Variants in CACNA2D3 observed in about 807,000 individuals in gnomAD.
CACNA2D3 encodes calcium voltage-gated channel auxiliary subunit alpha2delta 3, also known as voltage-dependent calcium channel subunit alpha-2/delta-3.
A neutral mutation model predicts 160.6 loss-of-function variants in CACNA2D3; 60 were observed. That is an observed-to-expected ratio of 0.37 (90% CI 0.30 to 0.46). The LOEUF (loss-of-function observed/expected upper bound fraction) is 0.46, where lower values mean the gene tolerates loss of function less well. CACNA2D3 is among the 20% of genes least tolerant of loss of function. The pLI is 1.00. For synonymous variants in CACNA2D3, 558 were observed against 492.9 expected, an observed-to-expected ratio of 1.13 and a Z score of -1.75; for missense variants, 1,205 against 1,365.0, an observed-to-expected ratio of 0.88 and a Z score of 1.85.
At chr3:55,029,589 T>A (rs1340138351) in intron 35 of CACNA2D3, among the ~76,000 whole-genome samples, 1 of 152,102 alleles carries the variant, frequency 6.6e-6, no homozygotes, top group African/African-American at 2.4e-5. Flanking sequence ...TTTGCTCTGA[T>A]GAGACTGTCC....
chr3:54,329,105 T>G (rs1335605318), intron 3 of CACNA2D3, among the ~76,000 whole-genome samples: 1 of 152,220 alleles, frequency 6.6e-6, no homozygotes, highest in East Asian at 1.9e-4. Flanking sequence ...TGATTGACTT[T>G]TCTGAAAGGT....
intron 2 of CACNA2D3, among the ~76,000 whole-genome samples, chr3:54,214,190 C>A (rs184297129): frequency 1.3e-5 from 2 of 152,266 alleles, no homozygotes; most frequent in East Asian, 3.9e-4. Flanking sequence ...CTGAATTAAT[C>A]AGTTTGAAGT....
At chr3:55,070,439 T>C (rs565419578) in intron 35 of CACNA2D3, among the ~76,000 whole-genome samples, 2 of 152,280 alleles carry the variant, frequency 1.3e-5, no homozygotes, top group Admixed American at 1.3e-4. Flanking sequence ...GTTTTGTTTT[T>C]CCTGAGCTGG....
At chr3:54,839,073 C>T (rs1009339939) in intron 16 of CACNA2D3, among the ~76,000 whole-genome samples, 3 of 152,028 alleles carry the variant, frequency 2.0e-5, no homozygotes, top group East Asian at 1.9e-4. Flanking sequence ...CTGGCTAACA[C>T]GGTGAAACCC....
intron 11 of CACNA2D3, among the ~76,000 whole-genome samples, chr3:54,733,057 G>C (rs1382638597): frequency 6.6e-6 from 1 of 152,200 alleles, no homozygotes; most frequent in Non-Finnish European, 1.5e-5. Context: ...ATCTGTCCTA[G>C]CGAGAAGTCA....
At chr3:54,529,070 A>G (rs1402644293) in intron 5 of CACNA2D3, among the ~76,000 whole-genome samples, 1 of 152,196 alleles carries the variant, frequency 6.6e-6, no homozygotes, top group East Asian at 1.9e-4. Context: ...CCAGAAGGAA[A>G]GTTCAGTGAG....
At chr3:54,753,420 C>T (rs1701905623) in intron 12 of CACNA2D3, among the ~76,000 whole-genome samples, 1 of 152,180 alleles carries the variant, frequency 6.6e-6, no homozygotes, top group Non-Finnish European at 1.5e-5. Context: ...TGTTGGTACT[C>T]TCTTCTGCTC....
intron 5 of CACNA2D3, among the ~76,000 whole-genome samples, chr3:54,536,440 G>A (rs1302161318): frequency 6.6e-6 from 1 of 152,230 alleles, no homozygotes; most frequent in African/African-American, 2.4e-5. Context: ...GAGGGAGCAG[G>A]ACAATCTCAA....
intron 2 of CACNA2D3, among the ~76,000 whole-genome samples, chr3:54,304,680 A>T (rs997344147): frequency 6.6e-6 from 1 of 152,104 alleles, no homozygotes; most frequent in Non-Finnish European, 1.5e-5. Flanking sequence ...TTACCTTCCA[A>T]TGTCTTAGGA....
At chr3:54,703,196 T>C (rs142691158) in intron 11 of CACNA2D3, among the ~76,000 whole-genome samples, 313 of 152,234 alleles carry the variant, frequency 2.1e-3, no homozygotes, top group African/African-American at 7.1e-3. Flanking sequence ...TTTACTCATG[T>C]AACAAACTTG....
chr3:54,738,816 G>T (rs932149422), intron 11 of CACNA2D3, among the ~76,000 whole-genome samples: 1 of 152,110 alleles, frequency 6.6e-6, no homozygotes, highest in Non-Finnish European at 1.5e-5. Flanking sequence ...CCCACTTATT[G>T]TATGACCAGT....
chr3:54,444,756 C>G lies in CACNA2D3; in HGVS notation c.381+57982C>G, dbSNP rs1301639823. On this transcript the variant is annotated intron_variant, in intron 4 of 37. Coordinates refer to ENST00000474759, the MANE Select transcript of CACNA2D3 (RefSeq NM_018398.3). ...TTGAGGCCCTCAGAGCTGTCTACTT[C>G]TGAATAACATGACTATAGGAGCTTA... Among the ~76,000 whole-genome samples, 2 of 152,212 alleles carry G rather than the reference C, an allele frequency of 1.3e-5. 1 individual carries two copies. The highest frequency in any genetic ancestry group is 4.8e-5 in the African/African-American group (2 of 41,456).
intron 3 of CACNA2D3, among the ~76,000 whole-genome samples, chr3:54,353,817 C>A (rs1698605406): frequency 6.6e-6 from 1 of 152,176 alleles, no homozygotes; most frequent in Admixed American, 6.5e-5. Context: ...AAAGTTAGGC[C>A]AGTCAGCCTT....
intron 2 of CACNA2D3, among the ~76,000 whole-genome samples, chr3:54,209,256 G>C (rs1253582469): frequency 6.6e-6 from 1 of 152,166 alleles, no homozygotes; most frequent in African/African-American, 2.4e-5. Context: ...TGGAGACCCT[G>C]GAGGATGTAA....
chr3:54,296,448 A>G (rs551196882), intron 2 of CACNA2D3, among the ~76,000 whole-genome samples: 4 of 152,232 alleles, frequency 2.6e-5, no homozygotes, highest in Admixed American at 6.5e-5. Flanking sequence ...CTAACCTAAG[A>G]TGAATGAGTT....
intron 2 of CACNA2D3, among the ~76,000 whole-genome samples, chr3:54,253,447 A>AGG (rs1024218738): frequency 2.6e-5 from 4 of 152,052 alleles, no homozygotes; most frequent in Non-Finnish European, 5.9e-5. Flanking sequence ...GAGAGAGTGA[A>AGG]GGGGGAGGTG....
intron 2 of CACNA2D3, among the ~76,000 whole-genome samples, chr3:54,284,673 G>A (rs1325380995): frequency 6.6e-6 from 1 of 152,194 alleles, no homozygotes; most frequent in Non-Finnish European, 1.5e-5. Context: ...TGGTGGAATA[G>A]AGCTCCTTCG....
At chr3:54,244,826 CAT>C (rs1329143356) in intron 2 of CACNA2D3, among the ~76,000 whole-genome samples, 2 of 152,226 alleles carry the variant, frequency 1.3e-5, no homozygotes, top group African/African-American at 4.8e-5. Flanking sequence ...GTTTAAACCA[CAT>C]ATAAATATTT....
intron 2 of CACNA2D3, among the ~76,000 whole-genome samples, chr3:54,313,273 G>A (rs1703781371): frequency 6.6e-6 from 1 of 152,062 alleles, no homozygotes; most frequent in Non-Finnish European, 1.5e-5. Context: ...TAGAACCCTT[G>A]ATGTCTCTCC....
Sources: gnomAD v4.1 joint callset for allele counts (sites outside exome capture counted in the v4.1 genomes callset) on GRCh38, gnomAD v4.1.1 for gene constraint, MANE v1.5 for transcripts, NCBI Gene and HGNC (gene_info 2026-07-23, HGNC 2026-07-21) for gene names.